Variants in AREG observed in about 807,000 individuals in gnomAD.
AREG encodes amphiregulin, also known as amphiregulin B.
In AREG, 16 loss-of-function variants were observed where a neutral mutation model predicts 28.0. The ratio of observed to expected loss-of-function variants is 0.57; its 90% CI spans 0.39 to 0.87. AREG has a LOEUF of 0.87. Among genes scored for constraint, AREG ranks in the 40% least tolerant of loss-of-function variants. AREG has a pLI of 0.00. For synonymous variants in AREG, 113 were observed against 113.5 expected (o/e 1.00, Z 0.02); for missense variants, 287 against 309.1 (o/e 0.93, Z 0.53).
At position 74,454,676 on chromosome 4, in the gene AREG, T is replaced by G. The variant is rs957916931; in HGVS notation, c.*19-83T>G. The G allele has an allele frequency of 3.2e-4, 187 of 584,940 alleles. 3 individuals carry two copies. The highest frequency in any genetic ancestry group is 3.0e-3 in the African/African-American group (159 of 52,546). The allele number at this position is 584,940 out of a possible 1,614,324, so 36.2% of individuals were successfully genotyped here. ...TCTGATTCCTGATTATGCTTTAAAG[T>G]TTCTTAAAGCTCTGCTGGAATTGAG... On this transcript the variant is annotated intron_variant, in intron 5 of 5. Coordinates refer to ENST00000395748, the MANE Select transcript of AREG (RefSeq NM_001657.4).
chr4:74,447,475 A>G (rs1719312819), intron 2 of AREG, among the ~76,000 whole-genome samples: 1 of 152,210 alleles, frequency 6.6e-6, no homozygotes, highest in Non-Finnish European at 1.5e-5. Context: ...TTTGTTAGTT[A>G]TATAACCCAT....
At position 74,452,435 on chromosome 4, in the gene AREG, C is replaced by T. The variant is rs1719394688; in HGVS notation, c.666-109C>T. 2.4e-6 allele frequency: 3 copies of T among 1,239,954 alleles called. No individual in the cohort carries two copies. The Admixed American group carries it at 5.8e-5, about 24-fold the overall frequency. The allele number at this position is 1,239,954 out of a possible 1,614,324, so 76.8% of individuals were successfully genotyped here. ...GGTTTAGTGTCAAGTATAGTGATTGCTGGTCTATCACTACTCATGAAGTGG... is the reference window on the plus strand; with the variant it reads ...GGTTTAGTGTCAAGTATAGTGATTGTTGGTCTATCACTACTCATGAAGTGG... On this transcript the variant is annotated intron_variant, in intron 4 of 5. Transcript: ENST00000395748.
Position 74,450,443 on chromosome 4 carries a change from T to A in AREG, c.576T>A (p.Ile192=). The A allele has an allele frequency of 6.2e-7, 1 of 1,613,990 alleles. No homozygotes were observed. The highest frequency in any genetic ancestry group is 1.3e-5 in the African/African-American group (1 of 75,052). The change falls in exon 4 of 6, where the codon ATT becomes ATA. Residue 192 remains isoleucine (I), a synonymous_variant. Transcript: ENST00000395748. ...AGTCCATGAAAACTCACAGCATGAT[T>A]GACAGTAGTTTATCAAAAATTGCAT... The part of the protein sequence containing the change: ...GEKSMKTHSM[I]DSSLSKIALA...
rs1278961677 is a variant in AREG, at chr4:74,452,565, G to A, written c.687G>A (p.Arg229=). The change falls in exon 5 of 6, where the codon AGG becomes AGA. Residue 229 remains arginine (R), a synonymous_variant. Coordinates refer to ENST00000395748, the MANE Select transcript of AREG (RefSeq NM_001657.4). ...ITVQLRRQYV[R]KYEGEAEERK... is the part of the protein sequence containing the mutation. The stretch of plus-strand genomic sequence containing the variant: ...GAAGGCTTAGAAGACAATACGTCAG[G>A]AAATATGAAGGAGAAGCTGAGGAAC... The A allele has an allele frequency of 6.2e-7, 1 of 1,613,366 alleles. No homozygotes were observed. Among genetic ancestry groups the A allele is most frequent in the African/African-American group, 1.3e-5 (1 of 74,888 alleles).
chr4:74,452,463 C>T (rs1719395133), intron 4 of AREG, 81 bp from the exon 5 acceptor site: 1 of 1,529,654 alleles, frequency 6.5e-7, no homozygotes, highest in African/African-American at 1.4e-5. Flanking sequence ...TGAAGTGGAA[C>T]CCCCTCTACT....
At chr4:74,449,505 G>C (rs1287282341) in intron 3 of AREG, among the ~76,000 whole-genome samples, 3 of 152,170 alleles carry the variant, frequency 2.0e-5, no homozygotes, top group African/African-American at 4.8e-5. Context: ...CAGCACTTTG[G>C]GGGGCCGAGG....
At chr4:74,450,190 A>G (rs1719359332) in intron 3 of AREG, among the ~76,000 whole-genome samples, 190 bp from the exon 4 acceptor site, 1 of 152,136 alleles carries the variant, frequency 6.6e-6, no homozygotes, top group Non-Finnish European at 1.5e-5. Flanking sequence ...CACCCAAACT[A>G]ATCTCAACTT....
At chr4:74,451,173 G>A (rs1275385418) in intron 4 of AREG, among the ~76,000 whole-genome samples, 1 of 152,164 alleles carries the variant, frequency 6.6e-6, no homozygotes, top group Non-Finnish European at 1.5e-5. Flanking sequence ...TCACTCCAGC[G>A]TATCTTCCCT....
chr4:74,448,837 T>G (rs1719333788), intron 2 of AREG: 2 of 625,596 alleles, frequency 3.2e-6, no homozygotes, highest in South Asian at 6.2e-5. Flanking sequence ...CCAACTATAA[T>G]CATGAGTGGA....
chr4:74,454,666 T>A lies in AREG; in HGVS notation c.*19-93T>A, dbSNP rs1017421258. On this transcript the variant is annotated intron_variant, in intron 5 of 5. Transcript: ENST00000395748. ...TGACAGAAATTCTGATTCCTGATTA[T>A]GCTTTAAAGTTTCTTAAAGCTCTGC... The A allele has an allele frequency of 1.4e-5, 8 of 570,488 alleles. No individual in the cohort carries two copies. The African/African-American group carries it at 1.5e-4, about 11-fold the overall frequency. The allele number at this position is 570,488 out of a possible 1,614,324, so 35.3% of individuals were successfully genotyped here. A position where few individuals can be genotyped will look rare whatever the true frequency, so the allele number is the denominator to read the frequency against.
chr4:74,452,589 A>T lies in AREG; in HGVS notation c.711A>T (p.Glu237Asp), dbSNP rs1259763460. The change falls in exon 5 of 6, where the codon GAA becomes GAT. Residue 237 changes from glutamate (E) to aspartate (D), a missense_variant. Physicochemically the swap from Glu to Asp is conservative, Grantham distance 45. Coordinates refer to ENST00000395748, the MANE Select transcript of AREG (RefSeq NM_001657.4). ...GGAAATATGAAGGAGAAGCTGAGGA[A>T]CGAAAGAAACTTCGACAAGAGAATG... ...YVRKYEGEAEERKKLRQENGN... is the reference protein window; with the variant it reads ...YVRKYEGEAEDRKKLRQENGN... The T allele has an allele frequency of 3.1e-6, 5 of 1,613,510 alleles. No homozygotes were observed. The African/African-American group carries it at 6.7e-5, about 22-fold the overall frequency.
intron 5 of AREG, 88 bp downstream of exon 5, chr4:74,452,743 G>A: frequency 8.5e-7 from 1 of 1,172,414 alleles, no homozygotes; most frequent in South Asian, 1.5e-5. Context: ...TATGGAATGT[G>A]TTCTTAATTA....
intron 4 of AREG, among the ~76,000 whole-genome samples, 178 bp downstream of exon 4, chr4:74,450,710 T>G (rs1043009627): frequency 1.3e-5 from 2 of 152,240 alleles, no homozygotes; most frequent in East Asian, 3.8e-4. Context: ...TGTTTATGAC[T>G]TGTGGCCACC....
chr4:74,449,156 AAAG>A lies in AREG; in HGVS notation c.426_428del (p.Lys143del), dbSNP rs765602741. 7 of 1,613,092 alleles carry A rather than the reference AAAG, an allele frequency of 4.3e-6. No individual in the cohort carries two copies. The highest frequency in any genetic ancestry group is 1.1e-5 in the South Asian group (1 of 90,936). On this transcript the variant is annotated inframe_deletion, in exon 3 of 6. Transcript: ENST00000395748. ...AAAATGGAAAAAATAGAAGAAACAG[AAAG>A]AAGAAAAATCCATGTAATGCAGAAT...
intron 4 of AREG, among the ~76,000 whole-genome samples, chr4:74,451,119 T>C (rs1165412888): frequency 1.3e-5 from 2 of 152,228 alleles, no homozygotes; most frequent in Non-Finnish European, 1.5e-5. Context: ...TAAATTTCCA[T>C]CATAAGACAT....
chr4:74,445,468 G>A, intron 1 of AREG, 62 bp downstream of exon 1: 1 of 1,568,016 alleles, frequency 6.4e-7, no homozygotes, highest in Admixed American at 1.9e-5. Context: ...TGCCTCTTGA[G>A]TTTGGCTCTT....
In AREG at chr4:74,445,397, C is replaced by T. The variant is rs746588951; in HGVS notation, c.52C>T (p.Leu18Phe). 1.2e-6 allele frequency: 2 copies of T among 1,609,712 alleles called. No individual in the cohort carries two copies. The highest frequency in any genetic ancestry group is 1.7e-5 in the Admixed American group (1 of 59,620). The change falls in exon 1 of 6, where the codon CTC becomes TTC. Residue 18 changes from leucine to phenylalanine, a missense_variant. Leu to Phe is a conservative substitution (Grantham distance 22). Transcript: ENST00000395748. ...GCCGGTGGTGCTGTCGCTCTTGATA[C>T]TCGGCTCAGGTGAGGATTCACCGGC... ...PAPVVLSLLI[L>F]GSGHYAAGLD...
chr4:74,446,814 G>A (rs748061867), intron 2 of AREG, 32 bp downstream of exon 2: 1 of 1,613,910 alleles, frequency 6.2e-7, no homozygotes, highest in Non-Finnish European at 8.5e-7. Flanking sequence ...AATATGGCCT[G>A]TGAGATGTGG....
chr4:74,449,659 C>T (rs1719348597), intron 3 of AREG, among the ~76,000 whole-genome samples: 1 of 152,036 alleles, frequency 6.6e-6, no homozygotes. Context: ...GCTGAGGTAG[C>T]AGAATTAATT....
Sources: allele counts gnomAD v4.1 joint callset (sites outside exome capture counted in the v4.1 genomes callset), GRCh38; gene constraint gnomAD v4.1.1; transcripts MANE v1.5; gene names NCBI Gene and HGNC (gene_info 2026-07-23, HGNC 2026-07-21).